The following TNNI3K variants were observed in gnomAD, a reference collection of about 807,000 sequenced individuals.
TNNI3K encodes serine/threonine-protein kinase TNNI3K.
TNNI3K carries 140 observed loss-of-function variants against 114.5 expected under a neutral mutation model. The observed-to-expected ratio is 1.22, with a 90% CI of 1.07 to 1.41. The LOEUF (loss-of-function observed/expected upper bound fraction) is 1.41. TNNI3K is among the 40% of genes most tolerant of loss of function. The pLI is 0.00. For synonymous variants in TNNI3K, 347 were observed against 347.5 expected, an observed-to-expected ratio of 1.00 and a Z score of 0.02; for missense variants, 1,125 against 1,007.6, an observed-to-expected ratio of 1.12 and a Z score of -1.58.
intron 23 of TNNI3K, among the ~76,000 whole-genome samples, chr1:74,524,764 A>G (rs1446060968): frequency 2.6e-5 from 4 of 151,886 alleles, no homozygotes; most frequent in Non-Finnish European, 5.9e-5. Flanking sequence ...AGTAAAAAAA[A>G]AAAATGAAAA....
At chr1:74,412,717 C>G (rs1664942574) in intron 17 of TNNI3K, among the ~76,000 whole-genome samples, 1 of 152,162 alleles carries the variant, frequency 6.6e-6, no homozygotes, top group Admixed American at 6.5e-5. Context: ...AGGGTTCCAG[C>G]AATTCTCGTC....
intron 17 of TNNI3K, among the ~76,000 whole-genome samples, chr1:74,381,874 A>G (rs942113639): frequency 1.3e-5 from 2 of 152,232 alleles, no homozygotes; most frequent in African/African-American, 4.8e-5. Flanking sequence ...ACATTCAACC[A>G]TTATTTATTT....
In TNNI3K at chr1:74,269,248, T is replaced by G. The variant is rs550837090; in HGVS notation, c.334-2350T>G. On this transcript the variant is annotated intron_variant, in intron 4 of 24. Transcript: ENST00000326637. ...CTTTAAGCTACTGTATAGCAATTTC[T>G]TATTTGTTTACTTTTTGTCTCTCCA... 2.0e-5 allele frequency among the ~76,000 whole-genome samples: 3 copies of G among 152,004 alleles called. No homozygotes were observed. The East Asian group carries it at 5.8e-4, about 29-fold the overall frequency.
chr1:74,298,102 G>C (rs1225016440), intron 5 of TNNI3K, among the ~76,000 whole-genome samples: 1 of 152,180 alleles, frequency 6.6e-6, no homozygotes, highest in Non-Finnish European at 1.5e-5. Context: ...AAGTGTGAAT[G>C]AGGATCCACA....
At chr1:74,374,964 C>T (rs1281271779) in intron 17 of TNNI3K, 1 of 151,768 alleles carries the variant, frequency 6.6e-6, no homozygotes, top group African/African-American at 2.4e-5. Flanking sequence ...GCAGAAACAT[C>T]ACTGCAAACA....
At chr1:74,441,789 G>A (rs1214490326) in intron 20 of TNNI3K, among the ~76,000 whole-genome samples, 2 of 152,146 alleles carry the variant, frequency 1.3e-5, no homozygotes, top group East Asian at 3.9e-4. Flanking sequence ...TATTTCTTCT[G>A]TGAAATGTTT....
At chr1:74,434,581 C>T (rs150484212) in intron 17 of TNNI3K, among the ~76,000 whole-genome samples, 1 of 151,906 alleles carries the variant, frequency 6.6e-6, no homozygotes, top group African/African-American at 2.4e-5. Context: ...AGTAGTACAG[C>T]GTGTAGATGC....
At chr1:74,364,220 G>T (rs1017191684) in intron 11 of TNNI3K, among the ~76,000 whole-genome samples, 1 of 151,524 alleles carries the variant, frequency 6.6e-6, no homozygotes, top group Non-Finnish European at 1.5e-5. Flanking sequence ...GCCCAGCCTG[G>T]TCTTCAACTC....
intron 11 of TNNI3K, among the ~76,000 whole-genome samples, chr1:74,360,117 A>G (rs1445234836): frequency 1.3e-5 from 2 of 151,676 alleles, no homozygotes; most frequent in East Asian, 3.9e-4. Flanking sequence ...TACTATCACT[A>G]TTTTAATTCA....
intron 5 of TNNI3K, among the ~76,000 whole-genome samples, chr1:74,273,167 A>G (rs1298506545): frequency 6.6e-6 from 1 of 151,992 alleles, no homozygotes; most frequent in Non-Finnish European, 1.5e-5. Flanking sequence ...AAGGGCTCTT[A>G]CATTCAATAC....
chr1:74,354,583 T>C (rs2100482409), intron 11 of TNNI3K, among the ~76,000 whole-genome samples: 1 of 152,292 alleles, frequency 6.6e-6, no homozygotes, highest in Non-Finnish European at 1.5e-5. Context: ...AGTGTAAACT[T>C]ATTTGAATAT....
At chr1:74,376,618 T>G (rs1662917819) in intron 17 of TNNI3K, 1 of 152,058 alleles carries the variant, frequency 6.6e-6, no homozygotes, top group Admixed American at 6.6e-5. Flanking sequence ...TTTTATCAAT[T>G]ATTTTTACTC....
chr1:74,439,445 A>G (rs201469589), intron 19 of TNNI3K, 45 bp from the exon 20 acceptor site: 4 of 1,599,294 alleles, frequency 2.5e-6, no homozygotes, highest in Non-Finnish European at 3.4e-6. Context: ...CAGTGGAAGA[A>G]CCAAACACTT....
chr1:74,542,835 G>A (rs1646741787), intron 24 of TNNI3K, among the ~76,000 whole-genome samples: 1 of 152,134 alleles, frequency 6.6e-6, no homozygotes, highest in Non-Finnish European at 1.5e-5. Context: ...CTGCTTCCCT[G>A]TACATAGCTC....
At chr1:74,534,822 A>T (rs571022178) in intron 23 of TNNI3K, among the ~76,000 whole-genome samples, 16 of 152,296 alleles carry the variant, frequency 1.1e-4, no homozygotes, top group African/African-American at 3.6e-4. Context: ...CGATGGGTTT[A>T]TGTGAAAGTG....
intron 17 of TNNI3K, among the ~76,000 whole-genome samples, chr1:74,378,121 G>C (rs1663000911): frequency 6.6e-6 from 1 of 151,878 alleles, no homozygotes; most frequent in Admixed American, 6.6e-5. Context: ...AATATACAAT[G>C]GATGCCTTAG....
chr1:74,271,050 T>G (rs1459636243), intron 4 of TNNI3K, among the ~76,000 whole-genome samples: 1 of 148,854 alleles, frequency 6.7e-6, no homozygotes, highest in Admixed American at 6.8e-5. Context: ...AAGAAAGATA[T>G]TATGAATTAA....
intron 5 of TNNI3K, among the ~76,000 whole-genome samples, chr1:74,328,372 G>A (rs1660025298): frequency 6.6e-6 from 1 of 151,944 alleles, no homozygotes; most frequent in African/African-American, 2.4e-5. Context: ...ATATATTGAA[G>A]CCTAAATGTT....
intron 23 of TNNI3K, among the ~76,000 whole-genome samples, chr1:74,505,189 C>G (rs1275834920): frequency 6.6e-6 from 1 of 152,198 alleles, no homozygotes; most frequent in East Asian, 1.9e-4. Context: ...GAAAGTAAGA[C>G]TTGGCCCAAA....
Sources: gnomAD v4.1 joint callset for allele counts (sites outside exome capture counted in the v4.1 genomes callset) on GRCh38, gnomAD v4.1.1 for gene constraint, MANE v1.5 for transcripts, NCBI Gene and HGNC (gene_info 2026-07-23, HGNC 2026-07-21) for gene names.